RGS13: variants seen among roughly 807,000 people sequenced by gnomAD.
The protein encoded by RGS13 is regulator of G-protein signalling 13.
In RGS13, 14 loss-of-function variants were observed where a neutral mutation model predicts 19.9. That is an observed-to-expected ratio of 0.70 (90% CI 0.46 to 1.10). The LOEUF (loss-of-function observed/expected upper bound fraction) is 1.10. Among genes scored for constraint, RGS13 ranks in the 50% least tolerant of loss-of-function variants. The pLI, the probability that RGS13 is intolerant of heterozygous loss-of-function variation, is 0.00. For synonymous variants in RGS13, 60 were observed against 56.8 expected (o/e 1.06, Z -0.25); for missense variants, 205 against 187.1 (o/e 1.10, Z -0.56).
chr1:192,645,078 C>G (rs1444855997), intron 4 of RGS13: 5 of 152,288 alleles, frequency 3.3e-5, no homozygotes, highest in Non-Finnish European at 5.9e-5. Flanking sequence ...AAAAGGCTTA[C>G]AAGCTACTGT....
At chr1:192,644,040 G>T (rs1419577898) in intron 3 of RGS13, among the ~76,000 whole-genome samples, 1 of 152,124 alleles carries the variant, frequency 6.6e-6, no homozygotes, top group African/African-American at 2.4e-5. Context: ...TAAATGAAAA[G>T]ATCTTTTTCA....
At chr1:192,640,598 T>C (rs1295905696) in intron 3 of RGS13, among the ~76,000 whole-genome samples, 5 of 152,158 alleles carry the variant, frequency 3.3e-5, no homozygotes, top group Non-Finnish European at 1.5e-5. Flanking sequence ...AGAGTCCTAA[T>C]AAGTGAATTA....
Position 192,641,296 on chromosome 1 carries a change from AAGAAAGAAAG to A in RGS13, c.-4-3033_-4-3024del, listed in dbSNP as rs1422670393. On this transcript the variant is annotated intron_variant, in intron 3 of 6. Transcript: ENST00000391995. ...AAAGAAAGAAAGAAAGAAAGAAAGA[AAGAAAGAAAG>A]AAAAGAAAGAAAGGAGGGAGGGAGG... 2.8e-3 allele frequency among the ~76,000 whole-genome samples: 339 copies of A among 120,748 alleles called. 2 individuals are homozygous for A. The highest frequency in any genetic ancestry group is 0.022 in the East Asian group (58 of 2,596). 79.2% of individuals were successfully genotyped at this position (120,748 alleles called of 152,430 possible). A position where few individuals can be genotyped will look rare whatever the true frequency, so the allele number is the denominator to read the frequency against.
intron 1 of RGS13, among the ~76,000 whole-genome samples, chr1:192,637,197 A>G (rs1663031014): frequency 6.6e-6 from 1 of 151,910 alleles, no homozygotes; most frequent in African/African-American, 2.4e-5. Flanking sequence ...AGGCAAAATC[A>G]TCGTGGAGAC....
chr1:192,646,098 A>G (rs960336696), intron 4 of RGS13: 1 of 152,172 alleles, frequency 6.6e-6, no homozygotes, highest in Admixed American at 6.6e-5. Context: ...CTCAGATACT[A>G]TTTCATGGAA....
chr1:192,651,515 C>T (rs1156252550), intron 5 of RGS13, among the ~76,000 whole-genome samples: 1 of 151,792 alleles, frequency 6.6e-6, no homozygotes, highest in Admixed American at 6.6e-5. Context: ...AGGATGATGG[C>T]AACAATTCAT....
chr1:192,639,582 A>G (rs909805627), intron 3 of RGS13, among the ~76,000 whole-genome samples: 5 of 152,182 alleles, frequency 3.3e-5, no homozygotes, highest in African/African-American at 1.2e-4. Flanking sequence ...TGAAATTTAA[A>G]AAGAGGAAGA....
intron 3 of RGS13, among the ~76,000 whole-genome samples, chr1:192,643,457 T>C (rs912767805): frequency 6.7e-6 from 1 of 148,520 alleles, no homozygotes; most frequent in African/African-American, 2.4e-5. Context: ...TGTATTGTTA[T>C]GTAAAGGTGC....
chr1:192,659,794 A>T lies in RGS13; in HGVS notation c.*271A>T, dbSNP rs925711494. 21 of 278,288 alleles carry T rather than the reference A, an allele frequency of 7.5e-5. No homozygotes were observed. The highest frequency in any genetic ancestry group is 1.1e-4 in the Non-Finnish European group (16 of 151,490). 17.2% of individuals were successfully genotyped at this position (278,288 alleles called of 1,614,324 possible). ...TTTCTTCATGATACAAGCATTATAA[A>T]GTTTTTACTGTAGTAGTCAATTAAT... is the stretch of plus-strand genomic sequence containing the variant. On this transcript the variant is annotated 3_prime_UTR_variant, in exon 7 of 7. Transcript: ENST00000391995.
At chr1:192,651,685 G>C (rs1016691629) in intron 5 of RGS13, among the ~76,000 whole-genome samples, 1 of 151,996 alleles carries the variant, frequency 6.6e-6, no homozygotes, top group African/African-American at 2.4e-5. Context: ...TTGCCCCTCA[G>C]GAGAGAAGTT....
Position 192,640,505 on chromosome 1 carries a change from G to T in RGS13, c.-5+2302G>T, listed in dbSNP as rs184662537. 1.8e-4 allele frequency among the ~76,000 whole-genome samples: 28 copies of T among 152,222 alleles called. No individual in the cohort carries two copies. The East Asian group carries it at 5.4e-3, about 29-fold the overall frequency. ...TCAGTCTGGTATTTAAGGTCATCTA[G>T]AACCTAACTATGCACACAAACATAT... On this transcript the variant is annotated intron_variant, in intron 3 of 6. Transcript: ENST00000391995.
intron 3 of RGS13, among the ~76,000 whole-genome samples, chr1:192,643,410 T>C (rs921451704): frequency 1.3e-5 from 2 of 151,952 alleles, no homozygotes; most frequent in African/African-American, 4.8e-5. Context: ...TTGTTAGTTG[T>C]TTTTTTAAAG....
intron 5 of RGS13, among the ~76,000 whole-genome samples, chr1:192,653,529 A>G (rs1024335172): frequency 9.2e-5 from 14 of 152,238 alleles, no homozygotes; most frequent in Admixed American, 1.3e-4. Context: ...AAAATATTCA[A>G]TGTAGGATAA....
At chr1:192,648,528 A>G (rs1222592163) in intron 5 of RGS13, among the ~76,000 whole-genome samples, 14 of 152,176 alleles carry the variant, frequency 9.2e-5, no homozygotes, top group Admixed American at 9.2e-4. Context: ...GGAAAAATAA[A>G]GGAGGACGTG....
In RGS13 at chr1:192,659,460, AT is replaced by A. The variant is rs780835046; in HGVS notation, c.420del (p.Leu141Ter). 6.2e-7 allele frequency: 1 copy of A among 1,613,006 alleles called. No homozygotes were observed. Among genetic ancestry groups the A allele is most frequent in the Non-Finnish European group, 8.5e-7 (1 of 1,179,462 alleles). On this transcript the variant is annotated frameshift_variant, in exon 7 of 7. Coordinates refer to ENST00000391995, the MANE Select transcript of RGS13 (RefSeq NM_002927.5). LOFTEE classifies it high-confidence loss of function. ...ATATGGAAAGGGATTCCTACCCCAG[AT>A]TTCTAAAGTCAGAAATGTACCAAAA... ...MHMERDSYPRFLKSEMYQKLL... is the reference protein window; with the variant it reads ...MHMERDSYPRXLKSEMYQKLL...
intron 5 of RGS13, among the ~76,000 whole-genome samples, chr1:192,648,234 G>T (rs993838448): frequency 5.9e-5 from 9 of 152,072 alleles, no homozygotes; most frequent in Non-Finnish European, 1.3e-4. Context: ...AAAATCCCTT[G>T]GAAAATATGC....
At chr1:192,653,375 G>T (rs936172613) in intron 5 of RGS13, among the ~76,000 whole-genome samples, 2 of 152,038 alleles carry the variant, frequency 1.3e-5, no homozygotes, top group Admixed American at 6.6e-5. Flanking sequence ...CTGCCATTGG[G>T]AATGAAAAAT....
chr1:192,652,324 T>C (rs1017567953), intron 5 of RGS13, among the ~76,000 whole-genome samples: 2 of 152,040 alleles, frequency 1.3e-5, no homozygotes, highest in African/African-American at 2.4e-5. Context: ...CTTTTGTACA[T>C]CCTGATCCCA....
intron 4 of RGS13, chr1:192,646,246 T>C (rs923288652): frequency 6.6e-5 from 10 of 152,128 alleles, no homozygotes; most frequent in African/African-American, 2.4e-4. Context: ...CTCCCAATAT[T>C]TTTCCATGTT....
Sources: gnomAD v4.1 joint callset for allele counts (sites outside exome capture counted in the v4.1 genomes callset) on GRCh38, gnomAD v4.1.1 for gene constraint, MANE v1.5 for transcripts, NCBI Gene and HGNC (gene_info 2026-07-23, HGNC 2026-07-21) for gene names.